Variants in ADAMTSL3 observed in about 807,000 individuals in gnomAD.
ADAMTSL3 encodes the protein ADAMTS like 3, also known as ADAMTS-like protein 3.
ADAMTSL3 carries 128 observed loss-of-function variants against 201.7 expected under a neutral mutation model. The ratio of observed to expected loss-of-function variants is 0.63; its 90% confidence interval spans 0.55 to 0.73. The LOEUF (loss-of-function observed/expected upper bound fraction) is 0.73. Ranked by LOEUF, ADAMTSL3 falls within the 30% of genes least tolerant of loss-of-function variation. The pLI is 0.00. For synonymous variants in ADAMTSL3, 738 were observed against 748.4 expected, an observed-to-expected ratio of 0.99 and a Z score of 0.23; for missense variants, 1,990 against 2,119.6, an observed-to-expected ratio of 0.94 and a Z score of 1.20.
At chr15:83,725,660 T>C (rs536489005) in intron 3 of ADAMTSL3, among the ~76,000 whole-genome samples, 2 of 152,288 alleles carry the variant, frequency 1.3e-5, no homozygotes, top group South Asian at 4.1e-4. Flanking sequence ...GACTCTCCTT[T>C]CCCCAGTGTA....
intron 2 of ADAMTSL3, among the ~76,000 whole-genome samples, chr15:83,696,711 G>C (rs1328609944): frequency 1.3e-5 from 2 of 152,208 alleles, no homozygotes; most frequent in African/African-American, 4.8e-5. Flanking sequence ...GATAGGTAGA[G>C]GGCTCAGGCC....
At chr15:83,819,012 C>T (rs1011836945) in intron 5 of ADAMTSL3, among the ~76,000 whole-genome samples, 1 of 152,120 alleles carries the variant, frequency 6.6e-6, no homozygotes, top group Admixed American at 6.6e-5. Context: ...GTGGCTCACG[C>T]CTTTAATCCT....
intron 26 of ADAMTSL3, among the ~76,000 whole-genome samples, chr15:84,023,400 C>T (rs572364189): frequency 6.6e-6 from 1 of 152,314 alleles, no homozygotes; most frequent in South Asian, 2.1e-4. Flanking sequence ...TAGATCCAGT[C>T]TCTAAGAGTG....
At chr15:83,745,631 T>A (rs1383456585) in intron 3 of ADAMTSL3, among the ~76,000 whole-genome samples, 1 of 151,918 alleles carries the variant, frequency 6.6e-6, no homozygotes, top group South Asian at 2.1e-4. Flanking sequence ...TTCCAGAGAG[T>A]GCAGTCCACC....
At chr15:83,817,714 C>T (rs1414996161) in intron 5 of ADAMTSL3, among the ~76,000 whole-genome samples, 1 of 152,032 alleles carries the variant, frequency 6.6e-6, no homozygotes, top group African/African-American at 2.4e-5. Flanking sequence ...AGAATTAATA[C>T]AAAAAGCAAA....
At chr15:83,677,032 T>C (rs1263591358) in intron 2 of ADAMTSL3, among the ~76,000 whole-genome samples, 2 of 152,270 alleles carry the variant, frequency 1.3e-5, no homozygotes, top group African/African-American at 2.4e-5. Context: ...CTTTGACTCA[T>C]GGATTATTTA....
At chr15:83,853,929 TATCTATCTATC>T (rs2064674155) in intron 7 of ADAMTSL3, among the ~76,000 whole-genome samples, 1 of 151,936 alleles carries the variant, frequency 6.6e-6, no homozygotes, top group African/African-American at 2.4e-5. Context: ...TCTATCTATC[TATCTATCTATC>T]TATCTATCTA....
At chr15:83,722,083 A>G (rs763658987) in intron 3 of ADAMTSL3, among the ~76,000 whole-genome samples, 2 of 152,188 alleles carry the variant, frequency 1.3e-5, no homozygotes, top group Non-Finnish European at 2.9e-5. Context: ...CCTTAAACTC[A>G]TGAGGCAGGA....
chr15:83,811,737 T>C (rs1221001913), intron 5 of ADAMTSL3, among the ~76,000 whole-genome samples: 1 of 152,210 alleles, frequency 6.6e-6, no homozygotes, highest in Non-Finnish European at 1.5e-5. Flanking sequence ...GCTGCCCTTT[T>C]TAGTTCTCAG....
rs372374918 is a variant in ADAMTSL3 at position 83,838,105 on chromosome 15, G to T, written c.617G>T (p.Arg206Leu). 4 of 1,609,690 alleles carry T rather than the reference G, an allele frequency of 2.5e-6. No homozygotes were observed. In the South Asian group the frequency reaches 3.3e-5, roughly 13 times the overall value. Residue 206 changes from arginine to leucine, a missense_variant, in exon 7 of 30, where the codon CGG (arginine) becomes CTG (leucine). By Grantham distance (102) the Arg-to-Leu change is moderately radical. Transcript: ENST00000286744. Reference sequence around the variant, plus strand: ...TGTTGGCAGGCAGTGGGCTGCGATCGGCAACTGGGAAGCAATGCCAAGGAG... The same window carrying T: ...TGTTGGCAGGCAGTGGGCTGCGATCTGCAACTGGGAAGCAATGCCAAGGAG... The part of the protein sequence containing the change: ...SGICQAVGCD[R>L]QLGSNAKEDN...
At chr15:83,872,890 T>C (rs1337013357) in intron 9 of ADAMTSL3, among the ~76,000 whole-genome samples, 2 of 145,784 alleles carry the variant, frequency 1.4e-5, no homozygotes, top group Admixed American at 6.7e-5. Flanking sequence ...CGTATATGTA[T>C]ATGTATATTT....
chr15:83,863,264 G>C (rs112324854), intron 8 of ADAMTSL3, among the ~76,000 whole-genome samples: 5 of 152,256 alleles, frequency 3.3e-5, no homozygotes, highest in Non-Finnish European at 7.4e-5. Context: ...TCTGCACCAA[G>C]CAGACCTAAT....
chr15:83,848,156 A>G (rs2064540361), intron 7 of ADAMTSL3, among the ~76,000 whole-genome samples: 1 of 152,048 alleles, frequency 6.6e-6, no homozygotes, highest in African/African-American at 2.4e-5. Context: ...AAACCCAACC[A>G]ACTAAAAAAA....
At chr15:83,958,268 G>A (rs2066896782) in intron 19 of ADAMTSL3, among the ~76,000 whole-genome samples, 1 of 152,222 alleles carries the variant, frequency 6.6e-6, no homozygotes, top group Non-Finnish European at 1.5e-5. Flanking sequence ...ACTCCAGAGT[G>A]TGATTGGTTC....
intron 27 of ADAMTSL3, among the ~76,000 whole-genome samples, chr15:84,028,692 A>G (rs2068352294): frequency 6.6e-6 from 1 of 152,172 alleles, no homozygotes; most frequent in Non-Finnish European, 1.5e-5. Flanking sequence ...GAGGTGGTCT[A>G]AGTTTTGTGG....
At chr15:83,708,474 A>G (rs1166857149) in intron 3 of ADAMTSL3, among the ~76,000 whole-genome samples, 2 of 152,178 alleles carry the variant, frequency 1.3e-5, no homozygotes, top group African/African-American at 4.8e-5. Flanking sequence ...GGAGGCGTAA[A>G]AGCCACATTA....
At chr15:84,032,477 T>G (rs2068427248) in intron 28 of ADAMTSL3, among the ~76,000 whole-genome samples, 1 of 152,172 alleles carries the variant, frequency 6.6e-6, no homozygotes, top group Non-Finnish European at 1.5e-5. Flanking sequence ...ACAACCTAAG[T>G]TTCCTATTTT....
In ADAMTSL3 at chr15:83,897,267, A is replaced by G. The variant is rs191470097; in HGVS notation, c.1468-591A>G. Among the ~76,000 whole-genome samples, 3 of 152,054 alleles carry G rather than the reference A, an allele frequency of 2.0e-5. No homozygotes were observed. The East Asian group carries it at 5.8e-4, about 29-fold the overall frequency. ...AAACTTCACAAAAATTCAGAAAAAT[A>G]ATAGCATAATGTTTTTATTAACTTT... On this transcript the variant is annotated intron_variant, in intron 13 of 29. Coordinates refer to ENST00000286744, the MANE Select transcript of ADAMTSL3 (RefSeq NM_207517.3).
chr15:83,962,391 A>C (rs1308692986), intron 19 of ADAMTSL3: 1 of 152,166 alleles, frequency 6.6e-6, no homozygotes, highest in Non-Finnish European at 1.5e-5. Flanking sequence ...TCCTAAGTCA[A>C]ATTGTCATTA....
Sources: allele counts gnomAD v4.1 joint callset (sites outside exome capture counted in the v4.1 genomes callset), GRCh38; gene constraint gnomAD v4.1.1; transcripts MANE v1.5; gene names NCBI Gene and HGNC (gene_info 2026-07-23, HGNC 2026-07-21).